Variants in RFX3 observed in about 807,000 individuals in gnomAD.
RFX3 encodes transcription factor RFX3.
Under a neutral mutation model 98.6 loss-of-function variants are expected in RFX3, and 14 were observed. That is an observed-to-expected ratio of 0.14 (90% CI 0.09 to 0.22). The LOEUF (loss-of-function observed/expected upper bound fraction) is 0.22, where lower values mean the gene tolerates loss of function less well. Ranked by LOEUF, RFX3 falls within the 10% of genes least tolerant of loss-of-function variation. The probability of loss-of-function intolerance (pLI) is 1.00; values close to 1 mark genes in which losing one functional copy is unlikely to be tolerated. For missense variants in RFX3, 639 were observed against 926.9 expected, an observed-to-expected ratio of 0.69 and a Z score of 4.03; for synonymous variants, 383 against 328.4, an observed-to-expected ratio of 1.17 and a Z score of -1.80.
intron 15 of RFX3, 127 bp downstream of exon 15, chr9:3,247,905 C>T: frequency 3.1e-6 from 5 of 1,610,918 alleles, no homozygotes; most frequent in Non-Finnish European, 2.5e-6. Context: ...ACTCCACAGT[C>T]CCTCCTGGCT....
At chr9:3,507,080 A>T (rs1182689557) in intron 1 of RFX3, among the ~76,000 whole-genome samples, 1 of 151,966 alleles carries the variant, frequency 6.6e-6, no homozygotes, top group East Asian at 1.9e-4. Flanking sequence ...GCTGAGTTCA[A>T]AAACCTTGAT....
At chr9:3,438,439 T>C (rs535443099) in intron 1 of RFX3, among the ~76,000 whole-genome samples, 5 of 151,486 alleles carry the variant, frequency 3.3e-5, no homozygotes, top group Non-Finnish European at 5.9e-5. Context: ...AAAAATATGG[T>C]GTAAAAACAG....
intron 13 of RFX3, among the ~76,000 whole-genome samples, chr9:3,262,573 G>C (rs1029554224): frequency 1.3e-5 from 2 of 152,178 alleles, no homozygotes; most frequent in African/African-American, 4.8e-5. Context: ...GGTGGGGAAA[G>C]TGAAGCCTAG....
intron 1 of RFX3, chr9:3,489,389 G>A (rs1224690754): frequency 4.1e-6 from 4 of 981,792 alleles, no homozygotes; most frequent in Non-Finnish European, 4.8e-6. Flanking sequence ...GGCAGTGGAA[G>A]GCCTGTCTTT....
In RFX3 at chr9:3,326,027, C is replaced by T. The variant is rs536981320; in HGVS notation, c.474+4232G>A. ...GATCCCTAACATATTCAGGTCGCAA[C>T]TTAGCTGAACCCATATCCAGTGATG... is the stretch of plus-strand genomic sequence containing the variant. On this transcript the variant is annotated intron_variant, in intron 4 of 16. Transcript: ENST00000617270. Among the ~76,000 whole-genome samples the T allele has an allele frequency of 6.6e-5, 10 of 152,190 alleles. No homozygotes were observed. In the South Asian group the frequency reaches 2.1e-3, roughly 32 times the overall value.
intron 2 of RFX3, among the ~76,000 whole-genome samples, chr9:3,361,345 G>A (rs1425651625): frequency 6.6e-6 from 1 of 152,056 alleles, no homozygotes; most frequent in Non-Finnish European, 1.5e-5. Context: ...GGGAAATGAA[G>A]CAATTGAGGA....
intron 2 of RFX3, among the ~76,000 whole-genome samples, chr9:3,376,595 G>T (rs1838526387): frequency 6.6e-6 from 1 of 152,138 alleles, no homozygotes; most frequent in African/African-American, 2.4e-5. Context: ...TGACAAATGG[G>T]ATCTAACTGA....
At position 3,432,843 on chromosome 9, in the gene RFX3, G is replaced by A. The variant is rs113893653; in HGVS notation, c.-8-37247C>T. The stretch of plus-strand genomic sequence containing the variant: ...ACTTGGATGCTTCTATGACATGGGC[G>A]CTAAAACTAAAGTAAACAGTGGAAG... On this transcript the variant is annotated intron_variant, in intron 1 of 16. Coordinates refer to ENST00000617270, the MANE Select transcript of RFX3 (RefSeq NM_001282116.2). Among the ~76,000 whole-genome samples, 98 of 152,196 alleles carry A rather than the reference G, an allele frequency of 6.4e-4. 1 individual carries two copies. Among genetic ancestry groups the A allele is most frequent in the Admixed American group, 1.4e-3 (21 of 15,262 alleles).
At chr9:3,298,358 C>T (rs996543275) in intron 5 of RFX3, among the ~76,000 whole-genome samples, 5 of 151,886 alleles carry the variant, frequency 3.3e-5, no homozygotes, top group Non-Finnish European at 7.4e-5. Flanking sequence ...TATATATCTA[C>T]TTGAAGCAAA....
At chr9:3,516,644 T>C (rs1360708060) in intron 1 of RFX3, among the ~76,000 whole-genome samples, 1 of 152,092 alleles carries the variant, frequency 6.6e-6, no homozygotes, top group Non-Finnish European at 1.5e-5. Context: ...GGGGAAGAAA[T>C]GTCTTAAAAA....
chr9:3,503,738 C>A (rs533295629), intron 1 of RFX3, among the ~76,000 whole-genome samples: 7 of 152,012 alleles, frequency 4.6e-5, no homozygotes, highest in African/African-American at 9.7e-5. Context: ...AAATACAATT[C>A]ATAAATTACT....
chr9:3,385,197 G>C (rs997648216), intron 2 of RFX3, among the ~76,000 whole-genome samples: 1 of 152,088 alleles, frequency 6.6e-6, no homozygotes, highest in Non-Finnish European at 1.5e-5. Context: ...GTAAGTACAG[G>C]TGCCAGTTAT....
intron 13 of RFX3, among the ~76,000 whole-genome samples, chr9:3,259,433 C>G (rs182594772): frequency 6.6e-6 from 1 of 151,524 alleles, no homozygotes; most frequent in Admixed American, 6.6e-5. Flanking sequence ...TAAATATTCC[C>G]TTGTGAAACG....
intron 1 of RFX3, among the ~76,000 whole-genome samples, chr9:3,510,566 C>T (rs1361097202): frequency 2.6e-5 from 4 of 151,894 alleles, no homozygotes; most frequent in African/African-American, 9.7e-5. Flanking sequence ...ACTGCCTGTG[C>T]TTTCATTGAT....
chr9:3,522,787 G>T lies in RFX3; in HGVS notation c.-9+2960C>A, dbSNP rs537303910. 1.9e-3 allele frequency among the ~76,000 whole-genome samples: 290 copies of T among 152,154 alleles called. 3 individuals are homozygous for T. Among genetic ancestry groups the T allele is most frequent in the African/African-American group, 6.7e-3 (276 of 41,500 alleles). ...AAGTAACATACATTATCATTTAAAC[G>T]ACGCATAAAATCCAACTTGCCTTTA... On this transcript the variant is annotated intron_variant, in intron 1 of 16. Coordinates refer to ENST00000617270, the MANE Select transcript of RFX3 (RefSeq NM_001282116.2).
chr9:3,366,608 T>C (rs1837103942), intron 2 of RFX3, among the ~76,000 whole-genome samples: 1 of 151,904 alleles, frequency 6.6e-6, no homozygotes, highest in Admixed American at 6.5e-5. Flanking sequence ...CTACCACTAG[T>C]CTGTTTTTGG....
Position 3,330,367 on chromosome 9 carries a change from G to C in RFX3, c.366C>G (p.Val122=). 2 of 1,614,112 alleles carry C rather than the reference G, an allele frequency of 1.2e-6. No homozygotes were observed. Among genetic ancestry groups the C allele is most frequent in the Non-Finnish European group, 1.7e-6 (2 of 1,180,020 alleles). The change falls in exon 4 of 17, where the codon GTC becomes GTG. Residue 122 remains valine (V), a synonymous_variant. Transcript: ENST00000617270. The part of the protein sequence containing the change: ...MVGTGGIQMG[V]TGGQLISSSG... ...AGCTGCTGATGAGTTGTCCTCCTGT[G>C]ACGCCCATCTGAATCCCACCAGTGC...
At chr9:3,460,012 A>G (rs1160955779) in intron 1 of RFX3, among the ~76,000 whole-genome samples, 1 of 152,004 alleles carries the variant, frequency 6.6e-6, no homozygotes, top group Admixed American at 6.6e-5. Context: ...TAGTGACATG[A>G]TGGAGAAAAA....
chr9:3,268,668 C>G (rs140549743), intron 11 of RFX3, among the ~76,000 whole-genome samples: 197 of 151,846 alleles, frequency 1.3e-3, no homozygotes, highest in Non-Finnish European at 2.2e-3. Flanking sequence ...AACTGGTTTT[C>G]AAATCAAAAT....
Sources: allele counts gnomAD v4.1 joint callset (sites outside exome capture counted in the v4.1 genomes callset), GRCh38; gene constraint gnomAD v4.1.1; transcripts MANE v1.5; gene names NCBI Gene and HGNC (gene_info 2026-07-23, HGNC 2026-07-21).